CHD6: variants seen among roughly 807,000 people sequenced by gnomAD.
CHD6 encodes ATP-dependent chromatin remodeler CHD6.
A neutral mutation model predicts 276.9 loss-of-function variants in CHD6; 50 were observed. The observed-to-expected ratio is 0.18, with a 90% CI of 0.14 to 0.23. The LOEUF is 0.23. CHD6 is among the 10% of genes least tolerant of loss of function. CHD6 has a pLI of 1.00. For missense variants in CHD6, 2,564 were observed against 3,365.8 expected (o/e 0.76, Z 5.89); for synonymous variants, 1,173 against 1,229.3 (o/e 0.95, Z 0.96).
chr20:41,432,836 C>T (rs1337154573), intron 27 of CHD6, among the ~76,000 whole-genome samples: 2 of 152,088 alleles, frequency 1.3e-5, no homozygotes, highest in African/African-American at 4.8e-5. Flanking sequence ...ACATGGCCCA[C>T]TGTTCAGAAT....
At chr20:41,509,082 A>G (rs1000274218) in intron 5 of CHD6, among the ~76,000 whole-genome samples, 4 of 152,166 alleles carry the variant, frequency 2.6e-5, no homozygotes, top group African/African-American at 9.7e-5. Context: ...TGTTTTTGCA[A>G]AACTCTGCAA....
chr20:41,487,069 T>G lies in CHD6; in HGVS notation c.2001+596A>C, dbSNP rs138701689. On this transcript the variant is annotated intron_variant, in intron 14 of 36. Transcript: ENST00000373233. ...TTATTTCTATAATCCCTAGTGGAGATTCTATAATCCCTAGTAGAGTATTTA... is the reference window on the plus strand; with the variant it reads ...TTATTTCTATAATCCCTAGTGGAGAGTCTATAATCCCTAGTAGAGTATTTA... Among the ~76,000 whole-genome samples the G allele has an allele frequency of 5.5e-4, 84 of 152,342 alleles. No homozygotes were observed. In the East Asian group the frequency reaches 0.013, roughly 23 times the overall value.
intron 17 of CHD6, among the ~76,000 whole-genome samples, chr20:41,468,124 T>TG (rs2042970046): frequency 6.6e-6 from 1 of 150,574 alleles, no homozygotes; most frequent in African/African-American, 2.4e-5. Flanking sequence ...TTTTTTTTTT[T>TG]GGGAGATGGA....
At chr20:41,405,544 G>A in intron 36 of CHD6, 55 bp from the exon 37 acceptor site, 1 of 1,387,286 alleles carries the variant, frequency 7.2e-7, no homozygotes, top group East Asian at 2.3e-5. Flanking sequence ...CAGGTGGTCA[G>A]CTGAGGGTGA....
intron 3 of CHD6, among the ~76,000 whole-genome samples, chr20:41,530,498 A>G (rs946064466): frequency 6.6e-5 from 10 of 152,222 alleles, no homozygotes; most frequent in Admixed American, 4.6e-4. Context: ...CCAATCTGCA[A>G]GAGTAAATCA....
intron 2 of CHD6, among the ~76,000 whole-genome samples, chr20:41,549,952 C>G (rs2045119802): frequency 6.6e-6 from 1 of 152,194 alleles, no homozygotes; most frequent in Non-Finnish European, 1.5e-5. Context: ...GTGCTCGCCA[C>G]CATGCCTGGC....
At chr20:41,533,689 G>T in intron 2 of CHD6, 119 bp from the exon 3 acceptor site, 1 of 901,216 alleles carries the variant, frequency 1.1e-6, no homozygotes, top group Non-Finnish European at 1.7e-6. Context: ...CCCACTCTCT[G>T]TTAGTTCCTA....
chr20:41,452,856 T>C lies in CHD6; in HGVS notation c.3207A>G (p.Ser1069=). The change falls in exon 21 of 37, where the codon TCA becomes TCG. Residue 1069 remains serine (S), a synonymous_variant. Coordinates refer to ENST00000373233, the MANE Select transcript of CHD6 (RefSeq NM_032221.5). This position sits in a 1 kb window ranked among gnomAD's most constrained non-coding sequence, Gnocchi z 4.2. The part of the protein sequence containing the change: ...SFEEDELMEF[S]ELDSDSDERP... Reference sequence around the variant, plus strand: ...TTTCGTCTGAGTCGCTGTCTAACTCTGAAAACTCCATGAGCTCGTCTTCCT... The same window carrying C: ...TTTCGTCTGAGTCGCTGTCTAACTCCGAAAACTCCATGAGCTCGTCTTCCT... 2 of 1,613,566 alleles carry C rather than the reference T, an allele frequency of 1.2e-6. No individual in the cohort carries two copies. The highest frequency in any genetic ancestry group is 1.7e-6 in the Non-Finnish European group (2 of 1,179,926).
intron 1 of CHD6, among the ~76,000 whole-genome samples, chr20:41,616,686 GC>G (rs2045937015): frequency 6.6e-6 from 1 of 152,190 alleles, no homozygotes; most frequent in Non-Finnish European, 1.5e-5. Context: ...TTATAAAGAT[GC>G]ATTGCTTATA....
intron 1 of CHD6, among the ~76,000 whole-genome samples, chr20:41,601,808 C>T (rs1488681061): frequency 2.0e-5 from 3 of 152,206 alleles, no homozygotes; most frequent in African/African-American, 7.2e-5. Flanking sequence ...CCTGGCATAT[C>T]GTGAGCACTC....
chr20:41,538,381 G>C (rs1303389501), intron 2 of CHD6, among the ~76,000 whole-genome samples: 2 of 152,130 alleles, frequency 1.3e-5, no homozygotes, highest in Non-Finnish European at 2.9e-5. Flanking sequence ...AATAAAAAAG[G>C]AGTGAAGTAC....
intron 1 of CHD6, among the ~76,000 whole-genome samples, chr20:41,609,855 C>CTT (rs369159347): frequency 8.3e-4 from 107 of 128,192 alleles, no homozygotes; most frequent in Admixed American, 1.1e-3. Flanking sequence ...TTTCTTTTTT[C>CTT]TTTTTTTTTT....
chr20:41,616,723 AAATCATGTTACTTGAGGATTCATGCCT>A (rs1238873059), intron 1 of CHD6, among the ~76,000 whole-genome samples: 1 of 152,214 alleles, frequency 6.6e-6, no homozygotes, highest in African/African-American at 2.4e-5. Flanking sequence ...TGCTTGGCAT[AAATCATGTTACTTGAGGATTCATGCCT>A]AATCATTTTA....
intron 24 of CHD6, 149 bp from the exon 25 acceptor site, chr20:41,445,917 G>C (rs972346849): frequency 3.4e-6 from 2 of 585,524 alleles, no homozygotes; most frequent in Admixed American, 2.9e-5. Context: ...TTCTCAACCA[G>C]GGCTTTGCAT....
At chr20:41,581,334 G>C (rs2045536854) in intron 1 of CHD6, among the ~76,000 whole-genome samples, 1 of 152,120 alleles carries the variant, frequency 6.6e-6, no homozygotes, top group Admixed American at 6.5e-5. Context: ...TCTGGTTGCT[G>C]AGTCCACATT....
chr20:41,501,950 G>A (rs909544999), intron 5 of CHD6, among the ~76,000 whole-genome samples: 1 of 152,008 alleles, frequency 6.6e-6, no homozygotes, highest in Non-Finnish European at 1.5e-5. Context: ...CCTCTTTTGT[G>A]AACCTCCTAT....
At chr20:41,446,946 T>C (rs1385042238) in intron 24 of CHD6, among the ~76,000 whole-genome samples, 1 of 152,152 alleles carries the variant, frequency 6.6e-6, no homozygotes, top group African/African-American at 2.4e-5. Flanking sequence ...ACTTGATGGA[T>C]ATTATCAGGT....
chr20:41,446,709 C>T (rs1290533551), intron 24 of CHD6, among the ~76,000 whole-genome samples: 8 of 152,140 alleles, frequency 5.3e-5, no homozygotes, highest in African/African-American at 1.9e-4. Flanking sequence ...CTCTGCCTGC[C>T]CAGTGCCATG....
intron 17 of CHD6, among the ~76,000 whole-genome samples, chr20:41,467,568 A>C (rs1265035766): frequency 2.0e-5 from 3 of 148,094 alleles, no homozygotes; most frequent in Non-Finnish European, 3.0e-5. Context: ...AATGAAAAAA[A>C]AAAAAAAAAA....
Sources: allele counts gnomAD v4.1 joint callset (sites outside exome capture counted in the v4.1 genomes callset), GRCh38; gene constraint gnomAD v4.1.1; non-coding constraint Gnocchi (gnomAD v3.1); transcripts MANE v1.5; gene names NCBI Gene and HGNC (gene_info 2026-07-23, HGNC 2026-07-21).